The following CSMD1 variants were observed in gnomAD, a reference collection of about 807,000 sequenced individuals.
CSMD1 encodes CUB and sushi domain-containing protein 1.
Under a neutral mutation model 417.5 loss-of-function variants are expected in CSMD1, and 213 were observed. The ratio of observed to expected loss-of-function variants is 0.51; its 90% CI spans 0.46 to 0.57. The LOEUF is 0.57. CSMD1 is among the 20% of genes least tolerant of loss of function. The pLI, the probability that CSMD1 is intolerant of heterozygous loss-of-function variation, is 0.00. For synonymous variants in CSMD1, 2,862 were observed against 1,736.8 expected, an observed-to-expected ratio of 1.65 and a Z score of -16.11; for missense variants, 6,923 against 4,529.7, an observed-to-expected ratio of 1.53 and a Z score of -15.17.
intron 3 of CSMD1, among the ~76,000 whole-genome samples, chr8:4,157,859 G>A (rs192253001): frequency 1.7e-4 from 26 of 152,238 alleles, no homozygotes; most frequent in Non-Finnish European, 3.2e-4. Flanking sequence ...GGATGCTGAA[G>A]TTGGGCTTGG....
chr8:3,297,703 A>C (rs1584951145), intron 25 of CSMD1, among the ~76,000 whole-genome samples: 1 of 152,350 alleles, frequency 6.6e-6, no homozygotes, highest in Non-Finnish European at 1.5e-5. Flanking sequence ...AGTTTTGTAG[A>C]AGAAAACCTA....
chr8:4,612,448 T>C (rs1343627002), intron 2 of CSMD1, among the ~76,000 whole-genome samples: 1 of 152,222 alleles, frequency 6.6e-6, no homozygotes, highest in Non-Finnish European at 1.5e-5. Flanking sequence ...AGATGCCACC[T>C]ACCTGTGTCC....
chr8:4,977,310 T>G (rs1810616323), intron 1 of CSMD1, among the ~76,000 whole-genome samples: 1 of 152,178 alleles, frequency 6.6e-6, no homozygotes, highest in African/African-American at 2.4e-5. Context: ...CAAGAAGGGT[T>G]ATACGCCCTT....
chr8:3,405,535 C>CA (rs1272816208), intron 15 of CSMD1, among the ~76,000 whole-genome samples: 1 of 152,218 alleles, frequency 6.6e-6, no homozygotes, highest in Admixed American at 6.5e-5. Context: ...TCCTAACCCT[C>CA]AGCGCCTCAG....
At chr8:3,336,820 C>G (rs1475197632) in intron 23 of CSMD1, among the ~76,000 whole-genome samples, 2 of 152,082 alleles carry the variant, frequency 1.3e-5, no homozygotes, top group African/African-American at 4.8e-5. Context: ...GGCACAGCTC[C>G]TGTCTAATTC....
At chr8:3,980,855 C>G (rs1227592381) in intron 5 of CSMD1, among the ~76,000 whole-genome samples, 1 of 152,150 alleles carries the variant, frequency 6.6e-6, no homozygotes, top group Non-Finnish European at 1.5e-5. Context: ...TTTGAAAATC[C>G]TTTCAAGTTG....
At chr8:3,959,356 G>A (rs567827549) in intron 5 of CSMD1, among the ~76,000 whole-genome samples, 1 of 152,114 alleles carries the variant, frequency 6.6e-6, no homozygotes, top group Non-Finnish European at 1.5e-5. Flanking sequence ...AAAATTAGCT[G>A]GGTGTGATGG....
At chr8:3,310,438 A>G (rs1375206606) in intron 23 of CSMD1, among the ~76,000 whole-genome samples, 2 of 152,192 alleles carry the variant, frequency 1.3e-5, no homozygotes, top group African/African-American at 4.8e-5. Context: ...CTAGAGGCAG[A>G]ATGACTTGTT....
intron 2 of CSMD1, among the ~76,000 whole-genome samples, chr8:4,448,553 T>A (rs1448166227): frequency 6.6e-6 from 1 of 152,210 alleles, no homozygotes; most frequent in East Asian, 1.9e-4. Context: ...GAACATCCTT[T>A]GAAATCTAAC....
chr8:4,343,173 C>T (rs1200400036), intron 3 of CSMD1, among the ~76,000 whole-genome samples: 1 of 152,004 alleles, frequency 6.6e-6, no homozygotes, highest in African/African-American at 2.4e-5. Context: ...TGGTAAAATA[C>T]AAGGAGTGCT....
At chr8:3,171,973 A>C (rs1440994603) in intron 37 of CSMD1, among the ~76,000 whole-genome samples, 1 of 152,168 alleles carries the variant, frequency 6.6e-6, no homozygotes, top group Non-Finnish European at 1.5e-5. Context: ...TCTGTTTCCA[A>C]AGGCTAGACT....
At chr8:3,784,428 C>A (rs75888191) in intron 5 of CSMD1, among the ~76,000 whole-genome samples, 14,019 of 152,156 alleles carry the variant, frequency 0.092, 844 homozygotes, top group African/African-American at 0.16. Flanking sequence ...TGCTGTTTGG[C>A]CTTTCAGTTT....
At position 3,109,877 on chromosome 8, in the gene CSMD1, CCCAT is replaced by C. The variant is rs573720484; in HGVS notation, c.6608+277_6608+280del. On this transcript the variant is annotated intron_variant, in intron 43 of 69. Coordinates refer to ENST00000635120, the MANE Select transcript of CSMD1 (RefSeq NM_033225.6). ...CACCCACAGAGACACACATCACACA[CCCAT>C]ACCCAACCCAACCCACACCCACAAA... Among the ~76,000 whole-genome samples, 236 of 151,926 alleles carry C rather than the reference CCCAT, an allele frequency of 1.6e-3. 1 individual carries two copies. Among genetic ancestry groups the C allele is most frequent in the African/African-American group, 5.4e-3 (224 of 41,450 alleles).
chr8:4,214,374 T>G (rs1318697411), intron 3 of CSMD1, among the ~76,000 whole-genome samples: 2 of 152,232 alleles, frequency 1.3e-5, no homozygotes, highest in Non-Finnish European at 2.9e-5. Context: ...CTTGGCTCAC[T>G]GCAACCTCTG....
At chr8:4,551,135 G>A (rs1161832291) in intron 2 of CSMD1, among the ~76,000 whole-genome samples, 1 of 152,192 alleles carries the variant, frequency 6.6e-6, no homozygotes. Context: ...ACCTGGGTCT[G>A]GCAACATCTA....
At chr8:4,974,630 T>C (rs767933542) in intron 1 of CSMD1, among the ~76,000 whole-genome samples, 9 of 152,172 alleles carry the variant, frequency 5.9e-5, no homozygotes, top group Admixed American at 5.9e-4. Context: ...CTGTATATAA[T>C]AGCAGGAATA....
At chr8:3,493,552 G>C (rs1190191103) in intron 11 of CSMD1, 71 bp downstream of exon 11, 4 of 1,297,838 alleles carry the variant, frequency 3.1e-6, no homozygotes, top group Non-Finnish European at 2.2e-6. Flanking sequence ...GCCTGTAGCA[G>C]AATCTCATCT....
intron 27 of CSMD1, among the ~76,000 whole-genome samples, chr8:3,226,058 G>C (rs1056453360): frequency 6.6e-6 from 1 of 152,162 alleles, no homozygotes; most frequent in Non-Finnish European, 1.5e-5. Flanking sequence ...TCTTTAACGA[G>C]ACCCATCTAC....
At chr8:3,324,420 GC>G (rs1296180193) in intron 23 of CSMD1, among the ~76,000 whole-genome samples, 1 of 131,854 alleles carries the variant, frequency 7.6e-6, no homozygotes, top group Admixed American at 8.2e-5. Flanking sequence ...GTTAAAATAG[GC>G]CCACACCTAA....
Sources: gnomAD v4.1 joint callset for allele counts (sites outside exome capture counted in the v4.1 genomes callset) on GRCh38, gnomAD v4.1.1 for gene constraint, MANE v1.5 for transcripts, NCBI Gene and HGNC (gene_info 2026-07-23, HGNC 2026-07-21) for gene names.